CSMD1: variants seen among roughly 807,000 people sequenced by gnomAD.
The protein encoded by CSMD1 is CUB and sushi domain-containing protein 1.
A neutral mutation model predicts 417.5 loss-of-function variants in CSMD1; 213 were observed. The observed-to-expected ratio is 0.51, with a 90% confidence interval of 0.46 to 0.57. The LOEUF (loss-of-function observed/expected upper bound fraction) is 0.57, where lower values mean the gene tolerates loss of function less well. CSMD1 is among the 20% of genes least tolerant of loss of function. The pLI is 0.00. For synonymous variants in CSMD1, 2,862 were observed against 1,736.8 expected (o/e 1.65, Z -16.11); for missense variants, 6,923 against 4,529.7 (o/e 1.53, Z -15.17).
At chr8:3,300,303 C>G (rs62504386) in intron 25 of CSMD1, among the ~76,000 whole-genome samples, 3 of 151,992 alleles carry the variant, frequency 2.0e-5, no homozygotes, top group Non-Finnish European at 4.4e-5. Context: ...AAAGCTATAT[C>G]ACCTTTTCAA....
At position 3,166,081 on chromosome 8, in the gene CSMD1, G is replaced by C. The variant is rs546223130; in HGVS notation, c.5726-3804C>G. On this transcript the variant is annotated intron_variant, in intron 37 of 69. Transcript: ENST00000635120. Reference sequence around the variant, plus strand: ...AACAAATATGATATGATAGGAAGTAGGCAGGGTGGTGTTTGGTAATAAATA... The same window carrying C: ...AACAAATATGATATGATAGGAAGTACGCAGGGTGGTGTTTGGTAATAAATA... 2.6e-5 allele frequency among the ~76,000 whole-genome samples: 4 copies of C among 152,166 alleles called. No individual in the cohort carries two copies. The East Asian group carries it at 7.7e-4, about 29-fold the overall frequency.
At chr8:3,776,402 G>C (rs998067078) in intron 5 of CSMD1, among the ~76,000 whole-genome samples, 1 of 152,192 alleles carries the variant, frequency 6.6e-6, no homozygotes, top group Non-Finnish European at 1.5e-5. Flanking sequence ...GGCGCTGCAA[G>C]GGCTGACACC....
intron 1 of CSMD1, among the ~76,000 whole-genome samples, chr8:4,984,419 G>A (rs959902822): frequency 2.6e-5 from 4 of 152,200 alleles, no homozygotes; most frequent in Non-Finnish European, 4.4e-5. Context: ...GCTTTAAAGA[G>A]CAATGAATCA....
chr8:4,570,385 G>A (rs1039433749), intron 2 of CSMD1, among the ~76,000 whole-genome samples: 9 of 152,074 alleles, frequency 5.9e-5, no homozygotes, highest in East Asian at 1.9e-4. Flanking sequence ...TGCATCTATC[G>A]GGATAATCAT....
intron 3 of CSMD1, among the ~76,000 whole-genome samples, chr8:4,119,433 G>C (rs1454126162): frequency 3.9e-5 from 6 of 152,154 alleles, no homozygotes; most frequent in Non-Finnish European, 7.3e-5. Context: ...GGATGATATT[G>C]ATGTGTCATG....
At chr8:3,100,549 C>G (rs987294663) in intron 46 of CSMD1, among the ~76,000 whole-genome samples, 6 of 152,170 alleles carry the variant, frequency 3.9e-5, no homozygotes, top group African/African-American at 1.4e-4. Flanking sequence ...ACTGTGTCTC[C>G]ACTTGGGAAT....
intron 3 of CSMD1, among the ~76,000 whole-genome samples, chr8:4,112,278 A>G (rs1354662166): frequency 6.6e-6 from 1 of 152,074 alleles, no homozygotes; most frequent in African/African-American, 2.4e-5. Flanking sequence ...TCTCTGATAC[A>G]CCTTTCTGTG....
chr8:3,603,538 CT>C (rs1357329933), intron 8 of CSMD1, among the ~76,000 whole-genome samples: 1 of 152,100 alleles, frequency 6.6e-6, no homozygotes, highest in Non-Finnish European at 1.5e-5. Flanking sequence ...GAAATGAACA[CT>C]GGTTCAAGAA....
intron 1 of CSMD1, among the ~76,000 whole-genome samples, chr8:4,924,969 C>T (rs562660309): frequency 6.6e-6 from 1 of 152,170 alleles, no homozygotes; most frequent in East Asian, 1.9e-4. Context: ...TCTTTGCATC[C>T]ACCATGGTGT....
intron 1 of CSMD1, among the ~76,000 whole-genome samples, chr8:4,921,354 C>G (rs1198016083): frequency 6.6e-6 from 1 of 152,138 alleles, no homozygotes; most frequent in Non-Finnish European, 1.5e-5. Flanking sequence ...ATGTTTTAAT[C>G]TTCCTAAGCT....
At chr8:3,820,388 G>C (rs902129960) in intron 5 of CSMD1, among the ~76,000 whole-genome samples, 6 of 152,138 alleles carry the variant, frequency 3.9e-5, no homozygotes, top group Non-Finnish European at 7.4e-5. Flanking sequence ...ACCAAAGAAG[G>C]ACTAAAAGTG....
At chr8:4,209,706 C>G (rs577189096) in intron 3 of CSMD1, among the ~76,000 whole-genome samples, 2 of 152,306 alleles carry the variant, frequency 1.3e-5, no homozygotes, top group South Asian at 2.1e-4. Context: ...CACACAGCAA[C>G]TTTTATTGAC....
intron 5 of CSMD1, among the ~76,000 whole-genome samples, chr8:3,836,333 C>T (rs1294413521): frequency 6.6e-6 from 1 of 152,094 alleles, no homozygotes; most frequent in East Asian, 1.9e-4. Flanking sequence ...GTTTACTTGA[C>T]AAAGATCTAT....
intron 26 of CSMD1, among the ~76,000 whole-genome samples, chr8:3,230,927 C>G (rs543465609): frequency 6.6e-6 from 1 of 152,136 alleles, no homozygotes; most frequent in Admixed American, 6.6e-5. Flanking sequence ...TCTGCAAAGC[C>G]GGCTGGTGCC....
chr8:3,006,535 A>G (rs1206958370), intron 52 of CSMD1, among the ~76,000 whole-genome samples: 1 of 152,164 alleles, frequency 6.6e-6, no homozygotes, highest in Non-Finnish European at 1.5e-5. Context: ...CTACAAGGCT[A>G]CAGTAACCAA....
intron 2 of CSMD1, among the ~76,000 whole-genome samples, chr8:4,441,755 C>T (rs1327167037): frequency 6.6e-6 from 1 of 152,068 alleles, no homozygotes; most frequent in Admixed American, 6.5e-5. Flanking sequence ...TATTGCATTG[C>T]AGTCCATTTG....
At chr8:4,808,658 T>C (rs957851757) in intron 1 of CSMD1, among the ~76,000 whole-genome samples, 5 of 152,146 alleles carry the variant, frequency 3.3e-5, no homozygotes, top group Non-Finnish European at 5.9e-5. Flanking sequence ...CTTTGGACAA[T>C]CGGTTTCAAC....
intron 3 of CSMD1, among the ~76,000 whole-genome samples, chr8:4,393,096 C>G (rs905210506): frequency 6.6e-6 from 1 of 152,166 alleles, no homozygotes; most frequent in South Asian, 2.1e-4. Flanking sequence ...GTGCCTCAAT[C>G]TCCCGAGTAG....
rs1363928474 is a variant in CSMD1, at chr8:4,769,733, G to A, written c.86-132175C>T. On this transcript the variant is annotated intron_variant, in intron 1 of 69. Transcript: ENST00000635120. ...GGGAAACGAAGTGAAGTCCAAACCA[G>A]GTAAGTCAAGGCACAGCCTGCTGCC... is the stretch of plus-strand genomic sequence containing the variant. Among the ~76,000 whole-genome samples the A allele has an allele frequency of 3.3e-5, 5 of 152,280 alleles. No homozygotes were observed. In the East Asian group the frequency reaches 9.7e-4, roughly 29 times the overall value.
Sources: gnomAD v4.1 joint callset for allele counts (sites outside exome capture counted in the v4.1 genomes callset) on GRCh38, gnomAD v4.1.1 for gene constraint, MANE v1.5 for transcripts, NCBI Gene and HGNC (gene_info 2026-07-23, HGNC 2026-07-21) for gene names.